Variants in ZNF236 observed in about 807,000 individuals in gnomAD.
The protein encoded by ZNF236 is regulated by glucose.
In ZNF236, 50 loss-of-function variants were observed where a neutral mutation model predicts 191.2. The observed-to-expected ratio is 0.26, with a 90% CI of 0.21 to 0.33. The LOEUF (loss-of-function observed/expected upper bound fraction) is 0.33, where lower values mean the gene tolerates loss of function less well. Ranked by LOEUF, ZNF236 falls within the 10% of genes least tolerant of loss-of-function variation. The pLI, the probability that ZNF236 is intolerant of heterozygous loss-of-function variation, is 1.00. For missense variants in ZNF236, 1,754 were observed against 2,374.5 expected (o/e 0.74, Z 5.43); for synonymous variants, 907 against 928.8 (o/e 0.98, Z 0.43).
At chr18:76,827,659 C>T (rs1304514540) in intron 1 of ZNF236, among the ~76,000 whole-genome samples, 5 of 152,254 alleles carry the variant, frequency 3.3e-5, no homozygotes, top group African/African-American at 1.2e-4. Flanking sequence ...TGTTAAAATT[C>T]AAGCCTAAAG....
intron 11 of ZNF236, among the ~76,000 whole-genome samples, chr18:76,902,260 C>G (rs1977614642): frequency 6.6e-6 from 1 of 152,180 alleles, no homozygotes; most frequent in South Asian, 2.1e-4. Context: ...TTCTCTCAGA[C>G]TCTGGGCTCC....
rs1968905770 is a variant in ZNF236 at position 76,971,311 on chromosome 18, G to A, written c.*2972G>A. The stretch of plus-strand genomic sequence containing the variant: ...CATCAAGCTCTACTTTTTCCCCTTT[G>A]AAAAACTTGAGGCACTTAGAAAGTA... On this transcript the variant is annotated 3_prime_UTR_variant, in exon 31 of 31. Coordinates refer to ENST00000320610, the MANE Select transcript of ZNF236 (RefSeq NM_001306089.2). Among the ~76,000 whole-genome samples the A allele has an allele frequency of 6.6e-6, 1 of 152,082 alleles. No individual in the cohort carries two copies. The highest frequency in any genetic ancestry group is 2.4e-5 in the African/African-American group (1 of 41,400).
intron 1 of ZNF236, among the ~76,000 whole-genome samples, chr18:76,832,695 A>G (rs1975208314): frequency 6.6e-6 from 1 of 151,888 alleles, no homozygotes; most frequent in Non-Finnish European, 1.5e-5. Context: ...TTTTGCGATC[A>G]TCTTGACAAT....
chr18:76,954,930 A>C (rs1390656611), intron 27 of ZNF236, among the ~76,000 whole-genome samples: 2 of 152,218 alleles, frequency 1.3e-5, no homozygotes, highest in African/African-American at 4.8e-5. Context: ...CACCCTGTAT[A>C]AATCTTTTTT....
intron 3 of ZNF236, among the ~76,000 whole-genome samples, chr18:76,867,021 G>A (rs1030213799): frequency 2.6e-5 from 4 of 152,126 alleles, no homozygotes; most frequent in Admixed American, 6.5e-5. Context: ...AGTAATATCC[G>A]TGTAGATATC....
intron 1 of ZNF236, among the ~76,000 whole-genome samples, chr18:76,842,154 T>C (rs536659204): frequency 5.4e-4 from 82 of 152,208 alleles, no homozygotes; most frequent in Non-Finnish European, 1.1e-3. Context: ...TTTCTCTGGA[T>C]GTTAGTTTTC....
At chr18:76,952,853 G>A (rs1968440766) in intron 27 of ZNF236, among the ~76,000 whole-genome samples, 2 of 152,166 alleles carry the variant, frequency 1.3e-5, no homozygotes, top group African/African-American at 2.4e-5. Context: ...AAACAGGGGT[G>A]TAGTTAGGAC....
chr18:76,943,142 A>AAT (rs1042975454), intron 26 of ZNF236, among the ~76,000 whole-genome samples: 1 of 149,636 alleles, frequency 6.7e-6, no homozygotes, highest in Non-Finnish European at 1.5e-5. Context: ...AAAAAAAAAA[A>AAT]GAAGAGCAAA....
chr18:76,913,705 T>C (rs1354843267), intron 17 of ZNF236, 42 bp from the exon 18 acceptor site: 3 of 1,595,324 alleles, frequency 1.9e-6, no homozygotes, highest in East Asian at 4.5e-5. Flanking sequence ...GTAATTGTGC[T>C]ATGAATTAAC....
At chr18:76,860,443 A>T (rs1356334530) in intron 3 of ZNF236, among the ~76,000 whole-genome samples, 1 of 152,148 alleles carries the variant, frequency 6.6e-6, no homozygotes, top group Admixed American at 6.6e-5. Flanking sequence ...TCATTCGCAG[A>T]TGTTCTAAAG....
Position 76,849,562 on chromosome 18 carries a change from A to G in ZNF236, c.92A>G (p.Tyr31Cys). ...VLTLNAENTN[Y>C]AYQVPNFHKC... ...ACATTGAATGCGGAGAACACTAATT[A>G]TGCCTATCAAGTTCCAAACTTCCAT... The change falls in exon 2 of 31, where the codon TAT (tyrosine) becomes TGT (cysteine). Residue 31 changes from tyrosine (Y) to cysteine (C), a missense_variant. Around this residue, in one of 5 missense-constraint regions of ZNF236, gnomAD observed 336 missense variants for 495.1 expected, o/e 0.68. Transcript: ENST00000320610. 6.2e-7 allele frequency: 1 copy of G among 1,612,098 alleles called. No homozygotes were observed. The highest frequency in any genetic ancestry group is 8.5e-7 in the Non-Finnish European group (1 of 1,179,482).
At chr18:76,883,084 C>T (rs1313933273) in intron 9 of ZNF236, among the ~76,000 whole-genome samples, 1 of 152,208 alleles carries the variant, frequency 6.6e-6, no homozygotes, top group East Asian at 1.9e-4. Flanking sequence ...TGAGCACCAC[C>T]CCGTGCTGCT....
intron 20 of ZNF236, among the ~76,000 whole-genome samples, chr18:76,920,783 A>G (rs1967511210): frequency 6.6e-6 from 1 of 152,170 alleles, no homozygotes; most frequent in African/African-American, 2.4e-5. Flanking sequence ...AATCGGCCAA[A>G]CAGCAGTGGC....
At chr18:76,933,517 T>A (rs952882025) in intron 25 of ZNF236, among the ~76,000 whole-genome samples, 8 of 150,902 alleles carry the variant, frequency 5.3e-5, no homozygotes, top group South Asian at 2.1e-4. Context: ...TCTCTCACTC[T>A]CTCTCTCTCT....
At chr18:76,825,811 A>G (rs759914575) in intron 1 of ZNF236, among the ~76,000 whole-genome samples, 10 of 152,100 alleles carry the variant, frequency 6.6e-5, no homozygotes, top group Non-Finnish European at 1.2e-4. Context: ...GGGTTTCACA[A>G]TGTTGCCCAG....
At position 76,868,879 on chromosome 18, in the gene ZNF236, T is replaced by C. The variant is rs1037343877; in HGVS notation, c.542+16T>C. 14 of 1,571,622 alleles carry C rather than the reference T, an allele frequency of 8.9e-6. No homozygotes were observed. Among genetic ancestry groups the C allele is most frequent in the South Asian group, 1.2e-5 (1 of 86,448 alleles). On this transcript the variant is annotated intron_variant, in intron 4 of 30. Coordinates refer to ENST00000320610, the MANE Select transcript of ZNF236 (RefSeq NM_001306089.2). ...ACAAAATTAGGTATGAGTCATTACA[T>C]GGGCTTGGTCAAAAATCCATCTAAT... is the stretch of plus-strand genomic sequence containing the variant.
At chr18:76,951,909 G>C (rs536022269) in intron 27 of ZNF236, among the ~76,000 whole-genome samples, 62 of 152,286 alleles carry the variant, frequency 4.1e-4, no homozygotes, top group African/African-American at 1.4e-3. Context: ...AGAGAATAGG[G>C]AGGCCCAAGG....
rs952423840 is a variant in ZNF236, at chr18:76,925,955, T to C, written c.4027+401T>C. Among the ~76,000 whole-genome samples the C allele has an allele frequency of 6.6e-6, 1 of 152,206 alleles. No homozygotes were observed. ...CATAGTGCTTGAGAAGTGTTACATT[T>C]TAGCTAGTTGTGTTGATTTGTGTGC... On this transcript the variant is annotated intron_variant, in intron 22 of 30. Coordinates refer to ENST00000320610, the MANE Select transcript of ZNF236 (RefSeq NM_001306089.2). The surrounding 1 kb of genome is among the most constrained non-coding windows in gnomAD (Gnocchi z 5.7).
intron 18 of ZNF236, 65 bp downstream of exon 18, chr18:76,913,963 C>T (rs1967288561): frequency 1.3e-6 from 2 of 1,544,274 alleles, no homozygotes; most frequent in Admixed American, 1.8e-5. Context: ...GAGATATAAT[C>T]CATATACCAT....
Sources: allele counts gnomAD v4.1 joint callset (sites outside exome capture counted in the v4.1 genomes callset), GRCh38; gene constraint gnomAD v4.1.1; regional missense constraint gnomAD v4.1.1; non-coding constraint Gnocchi (gnomAD v3.1); transcripts MANE v1.5; gene names NCBI Gene and HGNC (gene_info 2026-07-23, HGNC 2026-07-21).